Variants in SLC14A2 observed in about 807,000 individuals in gnomAD.
The protein encoded by SLC14A2 is solute carrier family 14 member 2.
In SLC14A2, 91 loss-of-function variants were observed where a neutral mutation model predicts 104.6. The observed-to-expected ratio is 0.87, with a 90% CI of 0.73 to 1.04. The LOEUF (loss-of-function observed/expected upper bound fraction) is 1.04, where lower values mean the gene tolerates loss of function less well. SLC14A2 is among the 50% of genes least tolerant of loss of function. SLC14A2 has a pLI of 0.00. For synonymous variants in SLC14A2, 476 were observed against 466.4 expected, an observed-to-expected ratio of 1.02 and a Z score of -0.27; for missense variants, 1,189 against 1,156.0, an observed-to-expected ratio of 1.03 and a Z score of -0.41.
intron 10 of SLC14A2, among the ~76,000 whole-genome samples, chr18:45,658,400 G>C (rs1164911314): frequency 6.6e-6 from 1 of 152,128 alleles, no homozygotes; most frequent in Non-Finnish European, 1.5e-5. Flanking sequence ...AACCAATATA[G>C]TGAAACCTTG....
intron 1 of SLC14A2, among the ~76,000 whole-genome samples, chr18:45,345,392 A>G (rs1361602101): frequency 6.6e-6 from 1 of 152,178 alleles, no homozygotes; most frequent in Non-Finnish European, 1.5e-5. Flanking sequence ...TCCTCTAATG[A>G]TGTCACTTCA....
intron 4 of SLC14A2, among the ~76,000 whole-genome samples, chr18:45,628,740 G>A (rs58555924): frequency 0.027 from 4,164 of 152,298 alleles, 191 homozygotes; most frequent in African/African-American, 0.093. Context: ...GTAATGGTAA[G>A]TATTATTTGG....
At chr18:45,441,475 A>G (rs2086681392) in intron 1 of SLC14A2, among the ~76,000 whole-genome samples, 1 of 152,230 alleles carries the variant, frequency 6.6e-6, no homozygotes, top group Non-Finnish European at 1.5e-5. Flanking sequence ...AGACAGGGTG[A>G]GAGAACACTC....
intron 1 of SLC14A2, among the ~76,000 whole-genome samples, chr18:45,302,736 A>G (rs916916603): frequency 6.6e-6 from 1 of 152,232 alleles, no homozygotes; most frequent in Non-Finnish European, 1.5e-5. Context: ...CACTATGGGA[A>G]ATCCAGAATA....
chr18:45,379,098 G>A (rs923347537), intron 1 of SLC14A2, among the ~76,000 whole-genome samples: 2 of 152,174 alleles, frequency 1.3e-5, no homozygotes, highest in Admixed American at 6.6e-5. Context: ...AGTGCCTGGG[G>A]TGACCTAACA....
chr18:45,525,422 G>A (rs552956799), intron 2 of SLC14A2, among the ~76,000 whole-genome samples: 1 of 152,292 alleles, frequency 6.6e-6, no homozygotes, highest in African/African-American at 2.4e-5. Context: ...TGCATGTCTT[G>A]AAGAATGTCT....
intron 1 of SLC14A2, among the ~76,000 whole-genome samples, chr18:45,232,255 G>A (rs1310394601): frequency 6.6e-6 from 1 of 152,180 alleles, no homozygotes; most frequent in Non-Finnish European, 1.5e-5. Context: ...AGGTAAAGGG[G>A]AAGCAAGCAC....
At chr18:45,654,098 C>A (rs2045788273) in intron 10 of SLC14A2, among the ~76,000 whole-genome samples, 1 of 151,624 alleles carries the variant, frequency 6.6e-6, no homozygotes. Flanking sequence ...AGCTAGTCCT[C>A]CCCAGGGAGT....
chr18:45,433,001 G>A (rs192236792), intron 1 of SLC14A2, among the ~76,000 whole-genome samples: 2 of 152,194 alleles, frequency 1.3e-5, no homozygotes, highest in Non-Finnish European at 2.9e-5. Context: ...TACTCTTTCT[G>A]TCCTCCTCTA....
intron 2 of SLC14A2, among the ~76,000 whole-genome samples, chr18:45,571,259 T>C (rs953412210): frequency 6.6e-6 from 1 of 152,232 alleles, no homozygotes; most frequent in Non-Finnish European, 1.5e-5. Flanking sequence ...ATTTAATAAA[T>C]TCTTTGTGCT....
intron 1 of SLC14A2, among the ~76,000 whole-genome samples, chr18:45,343,973 A>G (rs1236083338): frequency 1.3e-5 from 2 of 152,166 alleles, no homozygotes; most frequent in Non-Finnish European, 2.9e-5. Context: ...AAACTGTATG[A>G]GGGCTCGTCT....
intron 1 of SLC14A2, among the ~76,000 whole-genome samples, chr18:45,277,502 G>C (rs1297738598): frequency 6.6e-6 from 1 of 152,066 alleles, no homozygotes; most frequent in African/African-American, 2.4e-5. Flanking sequence ...ACCAACTCCT[G>C]GGCTCAAGCG....
chr18:45,442,460 G>C (rs755202271), intron 1 of SLC14A2, among the ~76,000 whole-genome samples: 4 of 152,096 alleles, frequency 2.6e-5, no homozygotes, highest in Non-Finnish European at 5.9e-5. Flanking sequence ...GCATGTCAAG[G>C]CATCACTCAG....
At chr18:45,229,402 T>TTTTGTTTGTTTGTTTG (rs146538293) in intron 1 of SLC14A2, among the ~76,000 whole-genome samples, 12 of 151,682 alleles carry the variant, frequency 7.9e-5, no homozygotes, top group African/African-American at 2.7e-4. Context: ...CCCGTAGGTT[T>TTTTGTTTGTTTGTTTG]TTTGTTTGTT....
intron 1 of SLC14A2, among the ~76,000 whole-genome samples, chr18:45,377,604 G>A (rs1040785459): frequency 1.3e-5 from 2 of 151,834 alleles, no homozygotes; most frequent in African/African-American, 2.4e-5. Flanking sequence ...AGCATCACAG[G>A]TCCTTGCTTC....
intron 2 of SLC14A2, among the ~76,000 whole-genome samples, chr18:45,533,665 AT>A (rs1463182881): frequency 6.6e-6 from 1 of 152,036 alleles, no homozygotes; most frequent in Non-Finnish European, 1.5e-5. Context: ...GGATTAATTG[AT>A]TTTTTGAAGG....
intron 2 of SLC14A2, among the ~76,000 whole-genome samples, chr18:45,506,986 C>A (rs769599412): frequency 3.9e-5 from 6 of 152,200 alleles, no homozygotes; most frequent in Non-Finnish European, 5.9e-5. Context: ...GCTATATACC[C>A]TGGAGGAGGT....
chr18:45,551,154 C>G (rs1458512633), intron 2 of SLC14A2, among the ~76,000 whole-genome samples: 1 of 152,126 alleles, frequency 6.6e-6, no homozygotes, highest in East Asian at 1.9e-4. Context: ...AGTTCTGCTA[C>G]AGGCAGGAAA....
chr18:45,244,537 A>G (rs1404607799), intron 1 of SLC14A2, among the ~76,000 whole-genome samples: 3 of 152,036 alleles, frequency 2.0e-5, no homozygotes, highest in African/African-American at 7.2e-5. Context: ...GAGGCAGGAG[A>G]ATCACTTGAA....
Sources: gnomAD v4.1 joint callset for allele counts (sites outside exome capture counted in the v4.1 genomes callset) on GRCh38, gnomAD v4.1.1 for gene constraint, MANE v1.5 for transcripts, NCBI Gene and HGNC (gene_info 2026-07-23, HGNC 2026-07-21) for gene names.